COTL1: variants seen among roughly 807,000 people sequenced by gnomAD.
The protein encoded by COTL1 is coactosin-like protein.
COTL1 carries 15 observed loss-of-function variants against 16.5 expected under a neutral mutation model. The observed-to-expected ratio is 0.91, with a 90% CI of 0.61 to 1.40. COTL1 has a LOEUF of 1.40. Among genes scored for constraint, COTL1 ranks in the 40% most tolerant of loss-of-function variants. COTL1 has a pLI of 0.00. For missense variants in COTL1, 220 were observed against 201.5 expected (o/e 1.09, Z -0.56); for synonymous variants, 112 against 85.3 (o/e 1.31, Z -1.73).
chr16:84,573,701 T>C (rs1295036307), intron 3 of COTL1, among the ~76,000 whole-genome samples: 13 of 149,812 alleles, frequency 8.7e-5, no homozygotes, highest in African/African-American at 3.2e-4. Flanking sequence ...GATCGCACCA[T>C]TGCACTCCAG....
At chr16:84,588,579 T>C (rs1028826862) in intron 3 of COTL1, among the ~76,000 whole-genome samples, 1 of 152,176 alleles carries the variant, frequency 6.6e-6, no homozygotes, top group Non-Finnish European at 1.5e-5. Context: ...GGCGAGATCT[T>C]GGCTCACTGC....
chr16:84,569,802 G>A (rs1904315328), intron 3 of COTL1, among the ~76,000 whole-genome samples: 3 of 152,234 alleles, frequency 2.0e-5, no homozygotes, highest in African/African-American at 7.2e-5. Context: ...TCTCAACCCT[G>A]AGCCCCACGG....
At chr16:84,598,851 A>C (rs1905059214) in intron 2 of COTL1, among the ~76,000 whole-genome samples, 1 of 126,368 alleles carries the variant, frequency 7.9e-6, no homozygotes. Flanking sequence ...GGGGGGTCCA[A>C]GCGGGGTCGG....
In COTL1 at chr16:84,605,958, C is replaced by T. The variant is rs77355408; in HGVS notation, c.160+11543G>A. Among the ~76,000 whole-genome samples the T allele has an allele frequency of 9.4e-3, 1,429 of 152,230 alleles. 22 individuals carry two copies. The highest frequency in any genetic ancestry group is 0.033 in the African/African-American group (1,356 of 41,532). On this transcript the variant is annotated intron_variant, in intron 2 of 3. Coordinates refer to ENST00000262428, the MANE Select transcript of COTL1 (RefSeq NM_021149.5). The stretch of plus-strand genomic sequence containing the variant: ...GTTATCAACTTATTTATTTATTGCT[C>T]GCAAGGAAGCTTACCTAAGTACCTA...
chr16:84,582,277 G>C (rs1476434505), intron 3 of COTL1, among the ~76,000 whole-genome samples: 2 of 152,120 alleles, frequency 1.3e-5, no homozygotes, highest in Admixed American at 6.5e-5. Context: ...TTACAGGCAT[G>C]AGCCACTGCG....
intron 2 of COTL1, among the ~76,000 whole-genome samples, chr16:84,615,714 G>A (rs116343820): frequency 8.1e-4 from 124 of 152,318 alleles, no homozygotes; most frequent in African/African-American, 2.8e-3. Flanking sequence ...CAGAGGCGGA[G>A]GGACGGAGGC....
intron 3 of COTL1, among the ~76,000 whole-genome samples, chr16:84,579,360 C>G (rs140337688): frequency 6.2e-4 from 94 of 152,314 alleles, no homozygotes; most frequent in South Asian, 1.2e-3. Context: ...TGTTGGCATA[C>G]ACCTGTAGTC....
intron 2 of COTL1, among the ~76,000 whole-genome samples, chr16:84,597,333 G>A (rs901402675): frequency 2.6e-5 from 4 of 152,188 alleles, no homozygotes; most frequent in South Asian, 2.1e-4. Context: ...AGCACAGATC[G>A]CAGTCCCATT....
intron 3 of COTL1, among the ~76,000 whole-genome samples, chr16:84,578,390 A>G (rs1904499595): frequency 6.6e-6 from 1 of 152,278 alleles, no homozygotes; most frequent in Non-Finnish European, 1.5e-5. Context: ...AGTAAATACT[A>G]TCTACGTAAC....
At chr16:84,588,295 C>G (rs548855738) in intron 3 of COTL1, among the ~76,000 whole-genome samples, 6 of 151,976 alleles carry the variant, frequency 3.9e-5, no homozygotes, top group African/African-American at 1.4e-4. Context: ...GAGGTAGCAC[C>G]GAGTTTCCAT....
At chr16:84,576,356 G>C (rs1394960137) in intron 3 of COTL1, 2 of 152,202 alleles carry the variant, frequency 1.3e-5, no homozygotes, top group African/African-American at 4.8e-5. Flanking sequence ...GTGAAGTCAG[G>C]AATGCATATT....
At chr16:84,605,829 T>G (rs1348420367) in intron 2 of COTL1, among the ~76,000 whole-genome samples, 1 of 152,248 alleles carries the variant, frequency 6.6e-6, no homozygotes, top group Non-Finnish European at 1.5e-5. Context: ...TATGTTGTTT[T>G]AATTCACCAA....
chr16:84,583,886 A>C (rs1904658614), intron 3 of COTL1, among the ~76,000 whole-genome samples: 1 of 152,084 alleles, frequency 6.6e-6, no homozygotes, highest in African/African-American at 2.4e-5. Context: ...TCTGTTCCTG[A>C]AAGCTGAGCT....
At chr16:84,572,953 C>T (rs969182838) in intron 3 of COTL1, among the ~76,000 whole-genome samples, 4 of 151,858 alleles carry the variant, frequency 2.6e-5, no homozygotes, top group African/African-American at 9.7e-5. Context: ...GGGGTTTTAC[C>T]ATGTTGCCCA....
chr16:84,592,596 G>GT (rs1260521610), intron 2 of COTL1, among the ~76,000 whole-genome samples: 11 of 27,780 alleles, frequency 4.0e-4, no homozygotes, highest in African/African-American at 6.3e-4. Flanking sequence ...ATCACACTGA[G>GT]TTAAAAAAAA....
intron 3 of COTL1, among the ~76,000 whole-genome samples, chr16:84,573,019 G>A (rs1194455189): frequency 6.6e-6 from 1 of 152,110 alleles, no homozygotes; most frequent in African/African-American, 2.4e-5. Context: ...CTCCCAAAGT[G>A]CTAGAATTAC....
chr16:84,604,146 TC>T (rs1905161186), intron 2 of COTL1, among the ~76,000 whole-genome samples: 1 of 46,682 alleles, frequency 2.1e-5, no homozygotes, highest in African/African-American at 8.9e-5. Flanking sequence ...TCCACAGCCC[TC>T]ACCCCATGGC....
chr16:84,605,459 C>T (rs576138682), intron 2 of COTL1, among the ~76,000 whole-genome samples: 1 of 152,348 alleles, frequency 6.6e-6, no homozygotes, highest in East Asian at 1.9e-4. Flanking sequence ...ATATGTCCCT[C>T]ACATGGCAAA....
chr16:84,612,845 C>A (rs1347919694), intron 2 of COTL1, among the ~76,000 whole-genome samples: 2 of 152,144 alleles, frequency 1.3e-5, no homozygotes, highest in African/African-American at 4.8e-5. Flanking sequence ...GTGAACCCTC[C>A]CAGTCACCCT....
Sources: allele counts gnomAD v4.1 joint callset (sites outside exome capture counted in the v4.1 genomes callset), GRCh38; gene constraint gnomAD v4.1.1; transcripts MANE v1.5; gene names NCBI Gene and HGNC (gene_info 2026-07-23, HGNC 2026-07-21).